Variants in ZNF540 observed in about 807,000 individuals in gnomAD.
The protein encoded by ZNF540 is CTD-3064H18.6.
Under a neutral mutation model 11.8 loss-of-function variants are expected in ZNF540, and 3 were observed. The ratio of observed to expected loss-of-function variants is 0.25; its 90% confidence interval spans 0.12 to 0.65. The LOEUF is 0.65. ZNF540 is among the 30% of genes least tolerant of loss of function. The pLI, the probability that ZNF540 is intolerant of heterozygous loss-of-function variation, is 0.83. For synonymous variants in ZNF540, 247 were observed against 259.0 expected (o/e 0.95, Z 0.45); for missense variants, 709 against 793.1 (o/e 0.89, Z 1.27).
intron 4 of ZNF540, among the ~76,000 whole-genome samples, chr19:37,608,190 C>G (rs1314556716): frequency 6.6e-6 from 1 of 152,122 alleles, no homozygotes; most frequent in Non-Finnish European, 1.5e-5. Context: ...ACCTTTTATG[C>G]TTACCCCCAG....
chr19:37,574,599 A>C (rs539266211), intron 1 of ZNF540, among the ~76,000 whole-genome samples: 1 of 152,298 alleles, frequency 6.6e-6, no homozygotes, highest in South Asian at 2.1e-4. Context: ...AAATTTTCCA[A>C]CCTTCTAGGT....
chr19:37,596,232 C>T (rs768119869), intron 1 of ZNF540, among the ~76,000 whole-genome samples: 12 of 152,108 alleles, frequency 7.9e-5, no homozygotes, highest in Admixed American at 2.6e-4. Context: ...AAGATATTCG[C>T]GTCAACATTA....
upstream of ZNF540, among the ~76,000 whole-genome samples, chr19:37,590,449 G>A (rs1181147596): frequency 2.0e-5 from 3 of 151,782 alleles, no homozygotes; most frequent in Admixed American, 6.6e-5. Flanking sequence ...AAGCTATAAG[G>A]ACAAAATTGT....
At chr19:37,563,389 T>G (rs1277755875) in intron 1 of ZNF540, 2 of 150,722 alleles carry the variant, frequency 1.3e-5, no homozygotes, top group Non-Finnish European at 3.0e-5. Flanking sequence ...CTCCGAGATC[T>G]GGGTCTCTAA....
chr19:37,561,121 G>T (rs922412174), intron 1 of ZNF540, among the ~76,000 whole-genome samples: 73 of 149,276 alleles, frequency 4.9e-4, no homozygotes, highest in Non-Finnish European at 1.0e-4. Context: ...CACACCTATA[G>T]TCCCAGCTAC....
upstream of ZNF540, among the ~76,000 whole-genome samples, chr19:37,592,626 G>A (rs1202522757): frequency 6.6e-6 from 1 of 152,208 alleles, no homozygotes; most frequent in Non-Finnish European, 1.5e-5. Flanking sequence ...TGACATCACT[G>A]AAAGTGGGAC....
intron 1 of ZNF540, among the ~76,000 whole-genome samples, chr19:37,596,023 A>G (rs539701988): frequency 6.6e-6 from 1 of 152,322 alleles, no homozygotes; most frequent in Admixed American, 6.5e-5. Context: ...GTAGATTCAT[A>G]TGAGGTTGTA....
At chr19:37,564,548 A>G (rs745983374) in intron 1 of ZNF540, 1 of 1,443,384 alleles carries the variant, frequency 6.9e-7, no homozygotes, top group Non-Finnish European at 9.2e-7. Flanking sequence ...TTCATTATAG[A>G]TATGAAATAG....
chr19:37,600,660 C>T (rs1001092962), intron 3 of ZNF540, among the ~76,000 whole-genome samples: 4 of 152,078 alleles, frequency 2.6e-5, no homozygotes, highest in African/African-American at 9.7e-5. Context: ...AGTTTGTTTA[C>T]AATCATTAGT....
At chr19:37,586,711 C>A in intron 1 of ZNF540, 1 of 1,613,796 alleles carries the variant, frequency 6.2e-7, no homozygotes. Context: ...CTGGGTTCTT[C>A]TCCTGGAGGT....
intron 4 of ZNF540, among the ~76,000 whole-genome samples, chr19:37,604,325 T>TTTTTTA (rs2044065236): frequency 6.9e-6 from 1 of 144,156 alleles, no homozygotes; most frequent in Non-Finnish European, 1.5e-5. Flanking sequence ...TTTTTTTTTT[T>TTTTTTA]AAGGCGGAGT....
At chr19:37,553,055 CTT>C (rs1327249956) in intron 1 of ZNF540, among the ~76,000 whole-genome samples, 1 of 108,358 alleles carries the variant, frequency 9.2e-6, no homozygotes, top group Non-Finnish European at 1.9e-5. Flanking sequence ...TTGGTATATA[CTT>C]TTGACTTTTT....
chr19:37,605,607 CA>C (rs1436369101), intron 4 of ZNF540, among the ~76,000 whole-genome samples: 1 of 152,086 alleles, frequency 6.6e-6, no homozygotes, highest in African/African-American at 2.4e-5. Flanking sequence ...AAGATCACGC[CA>C]CTGCACTCCA....
Position 37,612,646 on chromosome 19 carries a change from G to A in ZNF540, c.1366G>A (p.Glu456Lys), listed in dbSNP as rs1410656330. The A allele has an allele frequency of 1.9e-6, 3 of 1,613,962 alleles. No homozygotes were observed. Among genetic ancestry groups the A allele is most frequent in the Admixed American group, 1.7e-5 (1 of 60,014 alleles). The change falls in exon 5 of 5, where the codon GAA (glutamate) becomes AAA (lysine). Residue 456 changes from glutamate to lysine, a missense_variant. Physicochemically the swap from Glu to Lys is moderately conservative, Grantham distance 56. Transcript: ENST00000316433. ...KAFMLRSVLT[E>K]HQRLHTGVKP... ...CTTTATGCTTCGTTCAGTCCTTACT[G>A]AACATCAGAGACTTCATACTGGTGT...
At chr19:37,586,687 A>G (rs2043685766) in intron 1 of ZNF540, 3 of 1,614,124 alleles carry the variant, frequency 1.9e-6, no homozygotes, top group Middle Eastern at 1.7e-4. Context: ...GGTTTTTTAG[A>G]ACTGATCAAT....
chr19:37,568,386 A>T (rs1448345061), intron 1 of ZNF540, among the ~76,000 whole-genome samples: 1 of 150,146 alleles, frequency 6.7e-6, no homozygotes, highest in Non-Finnish European at 1.5e-5. Context: ...AACACATCCT[A>T]GAACAAGATA....
rs1450257963 is a variant in ZNF540 at position 37,611,691 on chromosome 19, A to T, written c.411A>T (p.Arg137Ser). 6.2e-7 allele frequency: 1 copy of T among 1,613,936 alleles called. No individual in the cohort carries two copies. Among genetic ancestry groups the T allele is most frequent in the Non-Finnish European group, 8.5e-7 (1 of 1,179,948 alleles). Residue 137 changes from arginine (R) to serine (S), a missense_variant, in exon 5 of 5, where the codon AGA becomes AGT. Coordinates refer to ENST00000316433, the MANE Select transcript of ZNF540 (RefSeq NM_001172225.3). ...EFEGQQGLKERSISQKKIVSK... is the reference protein window; with the variant it reads ...EFEGQQGLKESSISQKKIVSK... ...AGGGTCAACAGGGACTTAAAGAAAG[A>T]TCTATCAGTCAAAAGAAAATCGTCT...
At chr19:37,570,104 ACCAC>A (rs1417760070) in intron 1 of ZNF540, 1 of 152,116 alleles carries the variant, frequency 6.6e-6, no homozygotes, top group East Asian at 1.9e-4. Context: ...AAAAAGAATA[ACCAC>A]CCACCCTCCC....
intron 1 of ZNF540, chr19:37,567,511 G>A (rs1241838262): frequency 6.6e-6 from 1 of 152,020 alleles, no homozygotes; most frequent in Non-Finnish European, 1.5e-5. Context: ...TTTCTTCAAC[G>A]TACCTTTTAA....
Sources: allele counts gnomAD v4.1 joint callset (sites outside exome capture counted in the v4.1 genomes callset), GRCh38; gene constraint gnomAD v4.1.1; transcripts MANE v1.5; gene names NCBI Gene and HGNC (gene_info 2026-07-23, HGNC 2026-07-21).